The following RFX3 variants were observed in gnomAD, a reference collection of about 807,000 sequenced individuals.
RFX3 encodes the protein regulatory factor X3.
A neutral mutation model predicts 98.6 loss-of-function variants in RFX3; 14 were observed. The ratio of observed to expected loss-of-function variants is 0.14; its 90% CI spans 0.09 to 0.22. RFX3 has a LOEUF of 0.22. RFX3 is among the 10% of genes least tolerant of loss of function. The probability of loss-of-function intolerance (pLI) is 1.00; values close to 1 mark genes in which losing one functional copy is unlikely to be tolerated. For missense variants in RFX3, 639 were observed against 926.9 expected (o/e 0.69, Z 4.03); for synonymous variants, 383 against 328.4 (o/e 1.17, Z -1.80).
intron 1 of RFX3, among the ~76,000 whole-genome samples, chr9:3,477,642 T>G (rs1333865657): frequency 1.3e-5 from 2 of 152,206 alleles, no homozygotes; most frequent in African/African-American, 4.8e-5. Flanking sequence ...CACTTTGGGC[T>G]TATTCAACTT....
chr9:3,271,340 A>C (rs929568363), intron 9 of RFX3, among the ~76,000 whole-genome samples: 9 of 151,742 alleles, frequency 5.9e-5, no homozygotes, highest in African/African-American at 2.2e-4. Flanking sequence ...AAGATTAAGC[A>C]GGATAACATT....
In RFX3 at chr9:3,224,000, T is replaced by C. The variant is rs747929097; in HGVS notation, c.*1042A>G. The C allele has an allele frequency of 6.6e-6, 1 of 152,212 alleles. No homozygotes were observed. The highest frequency in any genetic ancestry group is 1.5e-5 in the Non-Finnish European group (1 of 68,040). The allele number at this position is 152,212 out of a possible 1,614,324, so 9.4% of individuals were successfully genotyped here. A position where few individuals can be genotyped will look rare whatever the true frequency, so the allele number is the denominator to read the frequency against. The stretch of plus-strand genomic sequence containing the variant: ...TACTTTAGAAACCAGGAAATAGTTT[T>C]GAAGGAAATAACGTTATGTAGGTTG... On this transcript the variant is annotated 3_prime_UTR_variant, in exon 17 of 17. Transcript: ENST00000617270.
chr9:3,329,573 C>T (rs1302330985), intron 4 of RFX3, among the ~76,000 whole-genome samples: 1 of 152,050 alleles, frequency 6.6e-6, no homozygotes, highest in Admixed American at 6.5e-5. Flanking sequence ...TATAGTAATG[C>T]TTTCTAAAGT....
chr9:3,421,959 A>G (rs1465195374), intron 1 of RFX3, among the ~76,000 whole-genome samples: 1 of 151,748 alleles, frequency 6.6e-6, no homozygotes, highest in African/African-American at 2.4e-5. Flanking sequence ...GTGCTCTTCT[A>G]TATTTTCCTG....
At chr9:3,502,140 T>A (rs2133669259) in intron 1 of RFX3, among the ~76,000 whole-genome samples, 1 of 149,964 alleles carries the variant, frequency 6.7e-6, no homozygotes, top group African/African-American at 2.4e-5. Context: ...GCGCCTGTAG[T>A]CCCAGCTACT....
At position 3,398,203 on chromosome 9, in the gene RFX3, C is replaced by T. The variant is rs535421282; in HGVS notation, c.-8-2607G>A. On this transcript the variant is annotated intron_variant, in intron 1 of 16. Transcript: ENST00000617270. ...TGACCAAAAATGTTTGAGAATGACA[C>T]TATTTTTTACTACACAAAATTCTTG... Among the ~76,000 whole-genome samples, 15 of 152,248 alleles carry T rather than the reference C, an allele frequency of 9.9e-5. No individual in the cohort carries two copies. The East Asian group carries it at 2.9e-3, about 29-fold the overall frequency.
rs147923665 is a variant in RFX3 at position 3,357,780 on chromosome 9, G to C, written c.118-11016C>G. Among the ~76,000 whole-genome samples, 591 of 152,096 alleles carry C rather than the reference G, an allele frequency of 3.9e-3. 4 individuals carry two copies. Among genetic ancestry groups the C allele is most frequent in the African/African-American group, 0.013 (547 of 41,522 alleles). ...TACCAAGAAAAGATACATGTTTGAGGTGATGGATATCCCAACTACACTGAC... is the reference window on the plus strand; with the variant it reads ...TACCAAGAAAAGATACATGTTTGAGCTGATGGATATCCCAACTACACTGAC... On this transcript the variant is annotated intron_variant, in intron 2 of 16. Transcript: ENST00000617270.
intron 2 of RFX3, among the ~76,000 whole-genome samples, chr9:3,381,632 C>A (rs1409035902): frequency 6.6e-6 from 1 of 151,822 alleles, no homozygotes; most frequent in East Asian, 1.9e-4. Context: ...AATATAATTC[C>A]ATTCATCATA....
At chr9:3,433,777 G>A (rs1844868671) in intron 1 of RFX3, among the ~76,000 whole-genome samples, 1 of 152,234 alleles carries the variant, frequency 6.6e-6, no homozygotes, top group South Asian at 2.1e-4. Flanking sequence ...TAGAACAAAG[G>A]GTGGGACACT....
At chr9:3,493,383 T>C (rs1850860553) in intron 1 of RFX3, among the ~76,000 whole-genome samples, 1 of 151,996 alleles carries the variant, frequency 6.6e-6, no homozygotes, top group Non-Finnish European at 1.5e-5. Context: ...ACGTGATCCA[T>C]TTTTAAAAAA....
At chr9:3,448,694 A>T (rs1451374246) in intron 1 of RFX3, among the ~76,000 whole-genome samples, 2 of 152,020 alleles carry the variant, frequency 1.3e-5, no homozygotes, top group Non-Finnish European at 2.9e-5. Flanking sequence ...AATTCTTCAA[A>T]TTTTTTGTAA....
intron 1 of RFX3, among the ~76,000 whole-genome samples, chr9:3,481,324 T>C (rs1849739674): frequency 6.6e-6 from 1 of 152,180 alleles, no homozygotes; most frequent in African/African-American, 2.4e-5. Context: ...TATCTGGCTT[T>C]AATGCAACGT....
intron 1 of RFX3, among the ~76,000 whole-genome samples, chr9:3,438,242 CA>C (rs1425977505): frequency 6.6e-6 from 1 of 152,044 alleles, no homozygotes; most frequent in African/African-American, 2.4e-5. Flanking sequence ...ATGGCAAATG[CA>C]AAATTAGCAA....
At chr9:3,324,600 AG>A (rs146396020) in intron 4 of RFX3, among the ~76,000 whole-genome samples, 17,588 of 149,268 alleles carry the variant, frequency 0.12, 1,072 homozygotes, top group Middle Eastern at 0.18. Context: ...AAAAAAAAAA[AG>A]AGAGAGGGAG....
intron 1 of RFX3, among the ~76,000 whole-genome samples, chr9:3,409,490 T>C (rs1051694892): frequency 1.2e-4 from 19 of 152,220 alleles, no homozygotes; most frequent in Non-Finnish European, 2.2e-4. Context: ...AACTTAATAA[T>C]TACTTCCCAC....
chr9:3,506,841 T>C (rs1464928546), intron 1 of RFX3, among the ~76,000 whole-genome samples: 1 of 151,844 alleles, frequency 6.6e-6, no homozygotes, highest in South Asian at 2.1e-4. Context: ...CAGAAATTCA[T>C]GAATTCATGC....
At chr9:3,229,288 C>T (rs188755448) in intron 15 of RFX3, among the ~76,000 whole-genome samples, 15 of 152,308 alleles carry the variant, frequency 9.8e-5, no homozygotes, top group Admixed American at 2.0e-4. Flanking sequence ...GCAGATGAGT[C>T]CACCTGGAAG....
rs529830909 is a variant in RFX3, at chr9:3,399,885, G to T, written c.-8-4289C>A. On this transcript the variant is annotated intron_variant, in intron 1 of 16. Transcript: ENST00000617270. Reference sequence around the variant, plus strand: ...AGTCACTTGAACCTGGGAGGCAGAGGTTGCGGTGAGCCAAGATCATTCCAC... The same window carrying T: ...AGTCACTTGAACCTGGGAGGCAGAGTTTGCGGTGAGCCAAGATCATTCCAC... Among the ~76,000 whole-genome samples, 332 of 151,258 alleles carry T rather than the reference G, an allele frequency of 2.2e-3. 2 individuals are homozygous for T. Among genetic ancestry groups the T allele is most frequent in the African/African-American group, 7.8e-3 (321 of 41,092 alleles).
intron 3 of RFX3, among the ~76,000 whole-genome samples, chr9:3,345,451 A>G (rs1022263295): frequency 2.6e-5 from 4 of 152,180 alleles, no homozygotes; most frequent in African/African-American, 9.6e-5. Flanking sequence ...GGCAGTAGTG[A>G]TGTGGGTAGA....
Sources: allele counts gnomAD v4.1 joint callset (sites outside exome capture counted in the v4.1 genomes callset), GRCh38; gene constraint gnomAD v4.1.1; transcripts MANE v1.5; gene names NCBI Gene and HGNC (gene_info 2026-07-23, HGNC 2026-07-21).